NUP98: variants seen among roughly 807,000 people sequenced by gnomAD.
NUP98 encodes nuclear pore complex protein Nup98-Nup96.
In NUP98, 26 loss-of-function variants were observed where a neutral mutation model predicts 191.9. The ratio of observed to expected loss-of-function variants is 0.14; its 90% CI spans 0.10 to 0.19. The LOEUF is 0.19. Ranked by LOEUF, NUP98 falls within the 10% of genes least tolerant of loss-of-function variation. NUP98 has a pLI of 1.00. For synonymous variants in NUP98, 808 were observed against 778.4 expected (o/e 1.04, Z -0.63); for missense variants, 1,941 against 2,178.8 (o/e 0.89, Z 2.17).
intron 20 of NUP98, among the ~76,000 whole-genome samples, chr11:3,708,544 G>C (rs892503366): frequency 2.6e-5 from 4 of 152,036 alleles, no homozygotes; most frequent in Admixed American, 6.6e-5. Context: ...GTGGACAAGG[G>C]GGAAGGGAAT....
intron 31 of NUP98, among the ~76,000 whole-genome samples, chr11:3,678,562 G>T (rs188064473): frequency 1.2e-4 from 18 of 152,310 alleles, no homozygotes; most frequent in African/African-American, 4.1e-4. Context: ...AGAAGTAGGG[G>T]TAACAGCAAC....
intron 5 of NUP98, among the ~76,000 whole-genome samples, chr11:3,774,488 G>A (rs1314724755): frequency 6.6e-6 from 1 of 152,016 alleles, no homozygotes; most frequent in East Asian, 1.9e-4. Flanking sequence ...ACTTTGGGAG[G>A]CCGAGGCGGG....
chr11:3,734,532 A>G (rs2134301765), intron 13 of NUP98, among the ~76,000 whole-genome samples: 1 of 152,352 alleles, frequency 6.6e-6, no homozygotes, highest in Non-Finnish European at 1.5e-5. Context: ...TAGGGAGGCA[A>G]AATGACTTTC....
At chr11:3,699,489 T>C (rs1388398623) in intron 24 of NUP98, 141 bp from the exon 25 acceptor site, 5 of 847,094 alleles carry the variant, frequency 5.9e-6, no homozygotes, top group Non-Finnish European at 9.0e-6. Context: ...ACCCTGAATC[T>C]GTCTCTACCT....
chr11:3,763,106 TA>T (rs959463566), intron 8 of NUP98, 67 bp from the exon 9 acceptor site: 424 of 1,467,732 alleles, frequency 2.9e-4, no homozygotes, highest in South Asian at 6.5e-4. Flanking sequence ...CTCAGAGTAA[TA>T]AAAAAAAAGT....
chr11:3,756,903 T>C (rs1258599597), intron 10 of NUP98, among the ~76,000 whole-genome samples: 2 of 149,832 alleles, frequency 1.3e-5, no homozygotes, highest in African/African-American at 2.5e-5. Context: ...CCGGCTAACA[T>C]GGTGAAACCC....
At chr11:3,785,434 G>A (rs978800054) in intron 1 of NUP98, among the ~76,000 whole-genome samples, 6 of 152,136 alleles carry the variant, frequency 3.9e-5, no homozygotes, top group Non-Finnish European at 8.8e-5. Flanking sequence ...CATAATCAGA[G>A]AAAGAACATG....
At chr11:3,762,791 G>T in intron 9 of NUP98, 111 bp downstream of exon 9, 1 of 1,076,140 alleles carries the variant, frequency 9.3e-7, no homozygotes, top group Non-Finnish European at 1.3e-6. Context: ...TTAGGCTGGT[G>T]CAATAATACA....
chr11:3,779,313 G>T lies in NUP98; in HGVS notation c.77-56C>A, dbSNP rs2081867690. The T allele has an allele frequency of 2.3e-6, 3 of 1,328,794 alleles. No individual in the cohort carries two copies. In the South Asian group the frequency reaches 3.5e-5, roughly 16 times the overall value. The allele number at this position is 1,328,794 out of a possible 1,614,324, so 82.3% of individuals were successfully genotyped here. On this transcript the variant is annotated intron_variant, in intron 2 of 32. Transcript: ENST00000324932. ...ATTTAGAATAAAATCTACGTAAGATGACCAAATGAAAAGGCATTTTAATAT... is the reference window on the plus strand; with the variant it reads ...ATTTAGAATAAAATCTACGTAAGATTACCAAATGAAAAGGCATTTTAATAT...
At position 3,723,384 on chromosome 11, in the gene NUP98, T is replaced by C; in HGVS notation, c.1919A>G (p.His640Arg). The C allele has an allele frequency of 3.1e-6, 5 of 1,614,146 alleles. No individual in the cohort carries two copies. The highest frequency in any genetic ancestry group is 2.7e-5 in the African/African-American group (2 of 75,050). Residue 640 changes from histidine (H) to arginine (R), a missense_variant, in exon 16 of 33, where the codon CAT (histidine) becomes CGT (arginine). Around this residue, in one of 6 missense-constraint regions of NUP98, gnomAD observed 453 missense variants for 438.2 expected, o/e 1.03. Coordinates refer to ENST00000324932, the MANE Select transcript of NUP98 (RefSeq NM_016320.5). Reference sequence around the variant, plus strand: ...TTTGGCAATAGGGTTAGTATAAAAATGTGAAACAAGGGAATCTTCATCTCC... The same window carrying C: ...TTTGGCAATAGGGTTAGTATAAAAACGTGAAACAAGGGAATCTTCATCTCC... ...QDGDEDSLVSHFYTNPIAKPI... is the reference protein window; with the variant it reads ...QDGDEDSLVSRFYTNPIAKPI...
intron 20 of NUP98, 193 bp downstream of exon 20, chr11:3,712,371 T>C: frequency 5.0e-6 from 7 of 1,390,482 alleles, no homozygotes; most frequent in Non-Finnish European, 4.6e-6. Flanking sequence ...GAGAATTCTT[T>C]AAATCTCTCC....
chr11:3,680,326 T>C (rs2077944648), intron 30 of NUP98, among the ~76,000 whole-genome samples: 1 of 152,190 alleles, frequency 6.6e-6, no homozygotes, highest in Non-Finnish European at 1.5e-5. Context: ...TCTTTGCTTG[T>C]CTATAAAGCA....
chr11:3,748,707 GA>G (rs1234828263), intron 11 of NUP98, among the ~76,000 whole-genome samples: 1 of 150,572 alleles, frequency 6.6e-6, no homozygotes, highest in Non-Finnish European at 1.5e-5. Context: ...TTGAGCAAAA[GA>G]AAAAAAAGAA....
At chr11:3,736,076 T>TTGTG (rs34834363) in intron 12 of NUP98, among the ~76,000 whole-genome samples, 2,106 of 129,502 alleles carry the variant, frequency 0.016, 34 homozygotes, top group African/African-American at 0.046. Context: ...ACAGCTAATT[T>TTGTG]TGTGTGTGTG....
At chr11:3,737,879 G>GTT (rs75865492) in intron 12 of NUP98, among the ~76,000 whole-genome samples, 4 of 142,406 alleles carry the variant, frequency 2.8e-5, no homozygotes, top group African/African-American at 2.6e-5. Context: ...ATAAAGAAAA[G>GTT]TTTTTTTTTT....
chr11:3,766,242 G>A (rs760006287), intron 8 of NUP98, among the ~76,000 whole-genome samples: 1 of 152,060 alleles, frequency 6.6e-6, no homozygotes, highest in Non-Finnish European at 1.5e-5. Flanking sequence ...GGACATGGTG[G>A]TGCACGCCTG....
At chr11:3,776,185 A>C (rs2081721945) in intron 4 of NUP98, among the ~76,000 whole-genome samples, 164 bp from the exon 5 acceptor site, 1 of 148,342 alleles carries the variant, frequency 6.7e-6, no homozygotes, top group South Asian at 2.1e-4. Flanking sequence ...GCAGTGGTGC[A>C]ATCACAGCTC....
intron 11 of NUP98, among the ~76,000 whole-genome samples, chr11:3,751,079 C>T (rs892638500): frequency 6.6e-6 from 1 of 152,122 alleles, no homozygotes; most frequent in Non-Finnish European, 1.5e-5. Context: ...TAATCCCAGG[C>T]CGGGCACGAT....
intron 1 of NUP98, among the ~76,000 whole-genome samples, chr11:3,789,167 A>G (rs1377857211): frequency 6.6e-6 from 1 of 152,236 alleles, no homozygotes; most frequent in Non-Finnish European, 1.5e-5. Flanking sequence ...GCCTCAAACT[A>G]GAGCTCCTCA....
Sources: allele counts gnomAD v4.1 joint callset (sites outside exome capture counted in the v4.1 genomes callset), GRCh38; gene constraint gnomAD v4.1.1; regional missense constraint gnomAD v4.1.1; transcripts MANE v1.5; gene names NCBI Gene and HGNC (gene_info 2026-07-23, HGNC 2026-07-21).